The following ARB2A variants were observed in gnomAD, a reference collection of about 807,000 sequenced individuals.
ARB2A encodes the protein cotranscriptional regulator ARB2A.
the ARB2A span, among the ~76,000 whole-genome samples, chr5:93,854,644 T>C: frequency 4.6e-5 from 7 of 152,234 alleles, no homozygotes; most frequent in African/African-American, 1.7e-4. Flanking sequence ...CCAGAGATTC[T>C]GGAATGTTGT....
chr5:93,773,019 T>G, the ARB2A span, among the ~76,000 whole-genome samples: 141 of 152,306 alleles, frequency 9.3e-4, 2 homozygotes, highest in African/African-American at 3.3e-3. Flanking sequence ...AAATATGGAC[T>G]TTTCTCTAAA....
chr5:93,841,414 A>C, the ARB2A span, among the ~76,000 whole-genome samples: 1 of 152,178 alleles, frequency 6.6e-6, no homozygotes, highest in African/African-American at 2.4e-5. Context: ...AGATGATTTA[A>C]AGTCTATGGG....
chr5:93,778,325 T>C, the ARB2A span, among the ~76,000 whole-genome samples: 2 of 152,232 alleles, frequency 1.3e-5, no homozygotes, highest in Non-Finnish European at 2.9e-5. Flanking sequence ...TTCTAGATAA[T>C]GCAGAAGATT....
the ARB2A span, among the ~76,000 whole-genome samples, chr5:93,928,148 A>G: frequency 6.6e-6 from 1 of 152,208 alleles, no homozygotes. Flanking sequence ...CTCAGGAAGA[A>G]CTGCTGAGGT....
the ARB2A span, among the ~76,000 whole-genome samples, chr5:94,034,585 AT>A: frequency 3.3e-5 from 5 of 152,204 alleles, no homozygotes; most frequent in Admixed American, 3.3e-4. Context: ...GACTTTGCTT[AT>A]TAAATGTTTT....
the ARB2A span, among the ~76,000 whole-genome samples, chr5:93,975,027 A>T: frequency 6.6e-6 from 1 of 152,104 alleles, no homozygotes; most frequent in African/African-American, 2.4e-5. Flanking sequence ...AAAACAGAAA[A>T]ATCTTAGCTG....
the ARB2A span, among the ~76,000 whole-genome samples, chr5:93,668,232 T>A: frequency 6.6e-6 from 1 of 152,028 alleles, no homozygotes; most frequent in Non-Finnish European, 1.5e-5. Context: ...GCCTCCTGAG[T>A]GGCTGTGACT....
the ARB2A span, among the ~76,000 whole-genome samples, chr5:93,960,700 G>C: frequency 6.6e-6 from 1 of 152,082 alleles, no homozygotes; most frequent in Non-Finnish European, 1.5e-5. Context: ...TACTTGCCTG[G>C]TTCAGAAAGC....
chr5:94,059,928 T>G, the ARB2A span, among the ~76,000 whole-genome samples: 1 of 152,232 alleles, frequency 6.6e-6, no homozygotes, highest in Non-Finnish European at 1.5e-5. Flanking sequence ...ACAGAAATAT[T>G]ATCCACATAA....
the ARB2A span, among the ~76,000 whole-genome samples, chr5:94,009,771 T>C: frequency 6.6e-6 from 1 of 151,996 alleles, no homozygotes; most frequent in South Asian, 2.1e-4. Context: ...GTTGTGTGTG[T>C]TTTTCAAGTT....
the ARB2A span, among the ~76,000 whole-genome samples, chr5:94,110,220 T>C: frequency 3.4e-3 from 525 of 152,284 alleles, 2 homozygotes; most frequent in African/African-American, 0.011. Flanking sequence ...TTGTTATATA[T>C]TTACTTGTTA....
chr5:93,729,549 C>T, the ARB2A span, among the ~76,000 whole-genome samples: 4 of 152,046 alleles, frequency 2.6e-5, no homozygotes, highest in African/African-American at 9.7e-5. Flanking sequence ...TGGAGTATTA[C>T]ATATGGTCTA....
chr5:93,689,724 CT>C, the ARB2A span, among the ~76,000 whole-genome samples: 286 of 151,672 alleles, frequency 1.9e-3, no homozygotes, highest in Non-Finnish European at 3.7e-3. Flanking sequence ...CGGAGTTTCG[CT>C]CTTGTTGTCC....
chr5:93,767,993 C>CAAAAA, the ARB2A span, among the ~76,000 whole-genome samples: 27 of 20,940 alleles, frequency 1.3e-3, no homozygotes, highest in East Asian at 1.9e-3. Flanking sequence ...GACTCCATCT[C>CAAAAA]AAAAAAAAAA....
At chr5:93,805,406 G>C in the ARB2A span, 10 of 984,976 alleles carry the variant, frequency 1.0e-5, no homozygotes, top group Non-Finnish European at 1.2e-5. Flanking sequence ...CAAAACCCCC[G>C]TTTCCCCAGA....
the ARB2A span, among the ~76,000 whole-genome samples, chr5:93,702,675 G>A: frequency 6.6e-6 from 1 of 152,260 alleles, no homozygotes; most frequent in African/African-American, 2.4e-5. Context: ...GGGTAGGGGT[G>A]AAGTGGGCTT....
chr5:94,050,718 A>C, the ARB2A span: 1 of 1,570,764 alleles, frequency 6.4e-7, no homozygotes, highest in Non-Finnish European at 8.6e-7. Context: ...TTAAAGTAGT[A>C]TATGTGACAT....
the ARB2A span, among the ~76,000 whole-genome samples, chr5:93,940,940 T>C: frequency 6.6e-6 from 1 of 151,600 alleles, no homozygotes; most frequent in Non-Finnish European, 1.5e-5. Flanking sequence ...AATAAAAGAG[T>C]TTTTAAAATA....
At chr5:93,620,609 C>G in the ARB2A span, 3 of 176,194 alleles carry the variant, frequency 1.7e-5, no homozygotes, top group African/African-American at 4.7e-5. Context: ...GAGGGGGAAG[C>G]AGCAGCGGCT....
Sources: allele counts gnomAD v4.1 joint callset (sites outside exome capture counted in the v4.1 genomes callset), GRCh38; gene constraint gnomAD v4.1.1; transcripts MANE v1.5; gene names NCBI Gene and HGNC (gene_info 2026-07-23, HGNC 2026-07-21).